The following CIRSR variants were observed in gnomAD, a reference collection of about 807,000 sequenced individuals.
CIRSR encodes the protein CBF1 (RBPJ) interacting corepressor 1.
At chr2:174,380,178 C>T in the CIRSR span, 2 of 1,519,136 alleles carry the variant, frequency 1.3e-6, no homozygotes, top group South Asian at 2.5e-5. Context: ...ATTATTCTTA[C>T]AGAGTAAAAT....
the CIRSR span, among the ~76,000 whole-genome samples, chr2:174,359,587 T>A: frequency 6.6e-6 from 1 of 151,994 alleles, no homozygotes; most frequent in South Asian, 2.1e-4. Context: ...TGTGGAGAAA[T>A]AGGAACGCTT....
the CIRSR span, among the ~76,000 whole-genome samples, chr2:174,392,069 C>T: frequency 6.6e-6 from 1 of 152,142 alleles, no homozygotes; most frequent in African/African-American, 2.4e-5. Context: ...GCAATCTTGG[C>T]TCACTGCAAT....
At chr2:174,364,523 C>T in the CIRSR span, among the ~76,000 whole-genome samples, 1 of 152,244 alleles carries the variant, frequency 6.6e-6, no homozygotes, top group African/African-American at 2.4e-5. Context: ...CATTTCCCTT[C>T]TGCACTGCCC....
chr2:174,385,753 A>G, the CIRSR span, among the ~76,000 whole-genome samples: 596 of 152,324 alleles, frequency 3.9e-3, 3 homozygotes, highest in Admixed American at 0.018. Flanking sequence ...TTATATTATA[A>G]TCCAAAGAAT....
At chr2:174,380,028 T>C in the CIRSR span, among the ~76,000 whole-genome samples, 147,531 of 152,228 alleles carry the variant, frequency 0.97, 71,666 homozygotes, top group East Asian at 1. Context: ...CAGCCTGATT[T>C]CTGTCTTTTA....
chr2:174,348,371 T>G, the CIRSR span: 3 of 1,429,314 alleles, frequency 2.1e-6, no homozygotes, highest in Non-Finnish European at 2.8e-6. Context: ...AAATTAAAAT[T>G]GAGCTTTTTT....
the CIRSR span, among the ~76,000 whole-genome samples, chr2:174,395,266 G>A: frequency 6.6e-6 from 1 of 152,228 alleles, no homozygotes; most frequent in East Asian, 1.9e-4. Flanking sequence ...TCAGCTGAAG[G>A]AAGTACTGAG....
the CIRSR span, among the ~76,000 whole-genome samples, chr2:174,354,662 A>T: frequency 1.1e-4 from 10 of 89,032 alleles, no homozygotes; most frequent in Non-Finnish European, 1.5e-4. Context: ...TATATTATAT[A>T]ATATATATTA....
At chr2:174,373,245 T>C in the CIRSR span, among the ~76,000 whole-genome samples, 1 of 152,154 alleles carries the variant, frequency 6.6e-6, no homozygotes, top group Non-Finnish European at 1.5e-5. Context: ...TCTCAAACCA[T>C]GTCAGTTTGA....
At chr2:174,363,522 A>G in the CIRSR span, among the ~76,000 whole-genome samples, 1 of 152,208 alleles carries the variant, frequency 6.6e-6, no homozygotes, top group African/African-American at 2.4e-5. Context: ...GCTTTCAACA[A>G]AAAATTATAA....
At chr2:174,368,082 C>T in the CIRSR span, among the ~76,000 whole-genome samples, 2 of 152,104 alleles carry the variant, frequency 1.3e-5, no homozygotes, top group South Asian at 4.1e-4. Flanking sequence ...GAGGCAAAAA[C>T]ATATATAAAT....
chr2:174,378,890 C>A, the CIRSR span: 1 of 1,421,274 alleles, frequency 7.0e-7, no homozygotes. Flanking sequence ...CCTTGTTTGT[C>A]CTCTCCCGAA....
the CIRSR span, chr2:174,351,839 T>G: frequency 1.6e-6 from 1 of 609,130 alleles, no homozygotes; most frequent in Non-Finnish European, 2.7e-6. Flanking sequence ...CTAAATCAAC[T>G]CAATAATCTT....
At chr2:174,380,782 G>T in the CIRSR span, 12 of 1,600,220 alleles carry the variant, frequency 7.5e-6, no homozygotes, top group African/African-American at 1.1e-4. Context: ...AGTAAATTCA[G>T]ACATAGAAAA....
At chr2:174,388,692 AACAC>A in the CIRSR span, among the ~76,000 whole-genome samples, 21 of 152,268 alleles carry the variant, frequency 1.4e-4, no homozygotes, top group Non-Finnish European at 2.5e-4. Flanking sequence ...ATTTTACGCA[AACAC>A]ACACACGCAC....
At chr2:174,372,458 C>T in the CIRSR span, among the ~76,000 whole-genome samples, 1 of 152,184 alleles carries the variant, frequency 6.6e-6, no homozygotes, top group African/African-American at 2.4e-5. Context: ...TCATAACCTG[C>T]TTTTCTTATT....
chr2:174,367,399 G>A, the CIRSR span, among the ~76,000 whole-genome samples: 1 of 152,216 alleles, frequency 6.6e-6, no homozygotes, highest in African/African-American at 2.4e-5. Flanking sequence ...CTAACACAGT[G>A]AAACCCCGTC....
At chr2:174,362,777 T>C in the CIRSR span, among the ~76,000 whole-genome samples, 1 of 148,014 alleles carries the variant, frequency 6.8e-6, no homozygotes, top group Non-Finnish European at 1.5e-5. Flanking sequence ...ACTGGAGAGA[T>C]AGGTAATACA....
the CIRSR span, among the ~76,000 whole-genome samples, chr2:174,370,681 G>A: frequency 3.3e-5 from 5 of 152,144 alleles, no homozygotes; most frequent in African/African-American, 7.2e-5. Context: ...TTGCAACACC[G>A]AGGTGGGCGG....
Sources: gnomAD v4.1 joint callset for allele counts (sites outside exome capture counted in the v4.1 genomes callset) on GRCh38, gnomAD v4.1.1 for gene constraint, MANE v1.5 for transcripts, NCBI Gene and HGNC (gene_info 2026-07-23, HGNC 2026-07-21) for gene names.